The following SYT16 variants were observed in gnomAD, a reference collection of about 807,000 sequenced individuals.
SYT16 encodes synaptotagmin-16.
Under a neutral mutation model 61.4 loss-of-function variants are expected in SYT16, and 42 were observed. The ratio of observed to expected loss-of-function variants is 0.68; its 90% CI spans 0.53 to 0.89. The LOEUF (loss-of-function observed/expected upper bound fraction) is 0.89, where lower values mean the gene tolerates loss of function less well. SYT16 is among the 40% of genes least tolerant of loss of function. The pLI is 0.00. For synonymous variants in SYT16, 314 were observed against 302.3 expected (o/e 1.04, Z -0.40); for missense variants, 804 against 807.3 (o/e 1.00, Z 0.05).
chr14:61,834,055 T>A (rs1235466344), intron 1 of SYT16, among the ~76,000 whole-genome samples: 2 of 151,992 alleles, frequency 1.3e-5, no homozygotes, highest in Non-Finnish European at 2.9e-5. Context: ...TATATTTTAT[T>A]TAGAATTTCC....
At chr14:61,819,225 T>C (rs988810056) in intron 1 of SYT16, among the ~76,000 whole-genome samples, 3 of 152,232 alleles carry the variant, frequency 2.0e-5, no homozygotes, top group Non-Finnish European at 4.4e-5. Flanking sequence ...TTTGTCCTTT[T>C]AGATCACTAG....
At chr14:61,932,882 GCTCA>G (rs1342247313) in intron 1 of SYT16, among the ~76,000 whole-genome samples, 1 of 152,134 alleles carries the variant, frequency 6.6e-6, no homozygotes, top group African/African-American at 2.4e-5. Flanking sequence ...TGACATCTCT[GCTCA>G]CTCAAAATTA....
chr14:61,812,479 G>A (rs2045298379), upstream of SYT16: 1 of 151,938 alleles, frequency 6.6e-6, no homozygotes, highest in Non-Finnish European at 1.5e-5. Context: ...CTCTTTGGGG[G>A]AGGGGCGGGA....
chr14:61,922,081 T>C (rs1165214759), intron 1 of SYT16, among the ~76,000 whole-genome samples: 2 of 152,200 alleles, frequency 1.3e-5, no homozygotes, highest in Admixed American at 1.3e-4. Context: ...CTCAACTTAG[T>C]GCCTTGTGTA....
chr14:61,911,324 T>TCA (rs2048926230), intron 1 of SYT16, among the ~76,000 whole-genome samples: 1 of 152,204 alleles, frequency 6.6e-6, no homozygotes. Context: ...CCTTTAATGT[T>TCA]TGGCCCTGAT....
intron 1 of SYT16, among the ~76,000 whole-genome samples, chr14:61,843,599 A>T (rs1399797488): frequency 1.3e-5 from 2 of 152,116 alleles, no homozygotes; most frequent in African/African-American, 4.8e-5. Context: ...AGAGATAGGG[A>T]TCTAGTTTCA....
At chr14:61,823,670 T>C (rs775028680) in intron 1 of SYT16, among the ~76,000 whole-genome samples, 19 of 152,096 alleles carry the variant, frequency 1.2e-4, no homozygotes, top group Non-Finnish European at 1.8e-4. Context: ...GAGAATCGCT[T>C]GAGCCTGGGA....
intron 3 of SYT16, among the ~76,000 whole-genome samples, chr14:62,023,911 T>A (rs1268685421): frequency 6.6e-6 from 1 of 152,156 alleles, no homozygotes; most frequent in Non-Finnish European, 1.5e-5. Flanking sequence ...CTTGGCTGTT[T>A]GATTCTAAAG....
At chr14:61,840,713 G>A (rs1355117365) in intron 1 of SYT16, among the ~76,000 whole-genome samples, 1 of 152,136 alleles carries the variant, frequency 6.6e-6, no homozygotes, top group Admixed American at 6.5e-5. Flanking sequence ...CCATGTTAGT[G>A]TTAGCTAAGC....
intron 3 of SYT16, among the ~76,000 whole-genome samples, chr14:62,059,267 G>A (rs1425454677): frequency 3.9e-5 from 6 of 151,996 alleles, no homozygotes; most frequent in East Asian, 1.9e-4. Flanking sequence ...TCAATTTATC[G>A]GTATCTCATG....
intron 3 of SYT16, among the ~76,000 whole-genome samples, chr14:62,001,789 T>A (rs916852602): frequency 6.6e-6 from 1 of 152,082 alleles, no homozygotes; most frequent in African/African-American, 2.4e-5. Context: ...TTTTTTTTCT[T>A]CTTCGTAGTT....
Position 62,106,780 on chromosome 14 carries a change from T to G in SYT16, c.*6073T>G, listed in dbSNP as rs1332857228. ...TCCCTTGGGTCACAAAACCATATCC[T>G]AGACACACAGACAATAATCACCTTA... On this transcript the variant is annotated 3_prime_UTR_variant, in exon 8 of 8. Transcript: ENST00000683842. The G allele has an allele frequency of 1.3e-5, 2 of 152,100 alleles. No individual in the cohort carries two copies. Among genetic ancestry groups the G allele is most frequent in the East Asian group, 1.9e-4 (1 of 5,178 alleles). 9.4% of individuals were successfully genotyped at this position (152,100 alleles called of 1,614,324 possible). A position where few individuals can be genotyped will look rare whatever the true frequency, so the allele number is the denominator to read the frequency against.
intron 3 of SYT16, among the ~76,000 whole-genome samples, chr14:62,052,456 TGGCCTAATATA>T (rs1190187600): frequency 5.9e-5 from 9 of 152,230 alleles, no homozygotes; most frequent in South Asian, 4.1e-4. Context: ...TCTGTTCTCA[TGGCCTAATATA>T]GGCCTAATTT....
chr14:62,020,183 G>A (rs1426057066), intron 3 of SYT16, among the ~76,000 whole-genome samples: 3 of 152,112 alleles, frequency 2.0e-5, no homozygotes, highest in African/African-American at 7.2e-5. Flanking sequence ...CCTTATTTCA[G>A]TGGGATGGAA....
At chr14:62,032,027 A>G (rs764296466) in intron 3 of SYT16, among the ~76,000 whole-genome samples, 8 of 152,182 alleles carry the variant, frequency 5.3e-5, no homozygotes, top group Non-Finnish European at 1.2e-4. Context: ...GGAGTACAGA[A>G]TATCAGGTGA....
chr14:61,883,920 C>T (rs1253342180), intron 1 of SYT16, among the ~76,000 whole-genome samples: 1 of 152,134 alleles, frequency 6.6e-6, no homozygotes, highest in African/African-American at 2.4e-5. Flanking sequence ...CTTATAAAAC[C>T]ATCAGATGTT....
At chr14:61,888,125 CT>C (rs756842240) in intron 1 of SYT16, among the ~76,000 whole-genome samples, 8,803 of 134,050 alleles carry the variant, frequency 0.066, 368 homozygotes, top group African/African-American at 0.15. Context: ...CTTTTCTTTT[CT>C]TTTTTTTTTT....
At chr14:61,914,750 A>T (rs2049056082) in intron 1 of SYT16, among the ~76,000 whole-genome samples, 1 of 152,164 alleles carries the variant, frequency 6.6e-6, no homozygotes, top group South Asian at 2.1e-4. Flanking sequence ...ATAAGCCACC[A>T]TTATCCTTCT....
intron 1 of SYT16, among the ~76,000 whole-genome samples, chr14:61,843,931 A>G (rs2046369261): frequency 6.6e-6 from 1 of 152,080 alleles, no homozygotes; most frequent in Non-Finnish European, 1.5e-5. Flanking sequence ...TTTTCTATAT[A>G]TGTGAAGAAT....
Sources: allele counts gnomAD v4.1 joint callset (sites outside exome capture counted in the v4.1 genomes callset), GRCh38; gene constraint gnomAD v4.1.1; transcripts MANE v1.5; gene names NCBI Gene and HGNC (gene_info 2026-07-23, HGNC 2026-07-21).